The following CHL1 variants were observed in gnomAD, a reference collection of about 807,000 sequenced individuals.
CHL1 encodes neural cell adhesion molecule L1-like protein.
CHL1 carries 96 observed loss-of-function variants against 141.9 expected under a neutral mutation model. That is an observed-to-expected ratio of 0.68 (90% CI 0.57 to 0.80). CHL1 has a LOEUF of 0.80. CHL1 is among the 30% of genes least tolerant of loss of function. The pLI, the probability that CHL1 is intolerant of heterozygous loss-of-function variation, is 0.00. For synonymous variants in CHL1, 613 were observed against 502.2 expected (o/e 1.22, Z -2.95); for missense variants, 1,820 against 1,457.2 (o/e 1.25, Z -4.05).
Position 221,459 on chromosome 3 carries a change from T to A in CHL1, c.-174-23154T>A, listed in dbSNP as rs147781822. Among the ~76,000 whole-genome samples the A allele has an allele frequency of 2.6e-3, 401 of 152,346 alleles. 3 individuals are homozygous for A. The highest frequency in any genetic ancestry group is 9.3e-3 in the African/African-American group (388 of 41,584). ...AAAGGTGAGCCTATTAGAGTGTTTA[T>A]GTGTAGCAGACCCTACACTTATTCA... On this transcript the variant is annotated intron_variant, in intron 1 of 27. Coordinates refer to ENST00000256509, the MANE Select transcript of CHL1 (RefSeq NM_006614.4).
rs562495417 is a variant in CHL1, at chr3:312,876, G to A, written c.-94-6807G>A. 7.5e-4 allele frequency among the ~76,000 whole-genome samples: 114 copies of A among 152,232 alleles called. 1 individual carries two copies. The highest frequency in any genetic ancestry group is 1.4e-3 in the Non-Finnish European group (97 of 68,008). On this transcript the variant is annotated intron_variant, in intron 2 of 27. Transcript: ENST00000256509. ...GAGTTATTTTTAAAACTATAATTTGGATGCCAGTGTCATAAAATATCTCTT... is the reference window on the plus strand; with the variant it reads ...GAGTTATTTTTAAAACTATAATTTGAATGCCAGTGTCATAAAATATCTCTT...
At chr3:390,189 G>A (rs1708106537) in intron 20 of CHL1, among the ~76,000 whole-genome samples, 1 of 152,196 alleles carries the variant, frequency 6.6e-6, no homozygotes, top group South Asian at 2.1e-4. Context: ...AGTGAATTAA[G>A]ATAGTATTAG....
chr3:258,121 G>A (rs1574881729), intron 2 of CHL1, among the ~76,000 whole-genome samples: 1 of 152,162 alleles, frequency 6.6e-6, no homozygotes. Context: ...CCCTTTTAAT[G>A]GCCAACTGCA....
At chr3:204,028 TC>T (rs1205706489) in intron 1 of CHL1, among the ~76,000 whole-genome samples, 2 of 152,274 alleles carry the variant, frequency 1.3e-5, no homozygotes, top group Non-Finnish European at 2.9e-5. Flanking sequence ...CACCACTTTT[TC>T]TTTGTCATTC....
chr3:315,414 G>C (rs1054218441), intron 2 of CHL1, among the ~76,000 whole-genome samples: 1 of 152,126 alleles, frequency 6.6e-6, no homozygotes. Flanking sequence ...AGGCCAAGTA[G>C]AATGGACAAA....
intron 2 of CHL1, among the ~76,000 whole-genome samples, chr3:277,933 C>A (rs1469731182): frequency 6.6e-6 from 1 of 152,184 alleles, no homozygotes; most frequent in African/African-American, 2.4e-5. Flanking sequence ...TACATCTCTG[C>A]ATCTAACAGA....
intron 2 of CHL1, among the ~76,000 whole-genome samples, chr3:254,434 G>T (rs94030): frequency 0.17 from 25,263 of 152,130 alleles, 2,359 homozygotes; most frequent in East Asian, 0.39. Flanking sequence ...GAGAAGTATA[G>T]TTCCAAGGTA....
At chr3:220,275 G>T (rs1002584406) in intron 1 of CHL1, among the ~76,000 whole-genome samples, 1 of 152,134 alleles carries the variant, frequency 6.6e-6, no homozygotes, top group Non-Finnish European at 1.5e-5. Context: ...TTATTGTGAT[G>T]TATGTAAATT....
chr3:369,780 CTAGT>C (rs1396705570), intron 15 of CHL1, among the ~76,000 whole-genome samples: 1 of 152,178 alleles, frequency 6.6e-6, no homozygotes, highest in Non-Finnish European at 1.5e-5. Context: ...CCATCAATAA[CTAGT>C]TAATTGACAG....
intron 5 of CHL1, among the ~76,000 whole-genome samples, chr3:330,420 CAT>C (rs1275670756): frequency 6.6e-6 from 1 of 151,800 alleles, no homozygotes; most frequent in Admixed American, 6.6e-5. Flanking sequence ...TATTAGGTAA[CAT>C]AATTTTAGGA....
chr3:291,762 T>G (rs1697715220), intron 2 of CHL1, among the ~76,000 whole-genome samples: 1 of 152,196 alleles, frequency 6.6e-6, no homozygotes, highest in South Asian at 2.1e-4. Flanking sequence ...TGGTTTATAC[T>G]TGTTCAAAAT....
chr3:209,249 A>G (rs566932392), intron 1 of CHL1, among the ~76,000 whole-genome samples: 22 of 152,224 alleles, frequency 1.4e-4, no homozygotes, highest in Non-Finnish European at 2.5e-4. Context: ...ATATTATTTC[A>G]GCAGATGACA....
chr3:318,746 GC>G (rs1183881666), intron 2 of CHL1, among the ~76,000 whole-genome samples: 2 of 150,778 alleles, frequency 1.3e-5, no homozygotes, highest in African/African-American at 4.9e-5. Context: ...CCTCTATCTT[GC>G]TGGAACTATC....
At chr3:257,650 C>A (rs1384101678) in intron 2 of CHL1, among the ~76,000 whole-genome samples, 2 of 152,112 alleles carry the variant, frequency 1.3e-5, no homozygotes, top group Non-Finnish European at 2.9e-5. Flanking sequence ...CTGTGCCTGG[C>A]TCTCTTTTTC....
chr3:254,223 C>T (rs1361130827), intron 2 of CHL1, among the ~76,000 whole-genome samples: 2 of 152,156 alleles, frequency 1.3e-5, no homozygotes, highest in East Asian at 1.9e-4. Context: ...TATAAAGGCC[C>T]AACACCATCA....
At chr3:267,182 A>G (rs1386256034) in intron 2 of CHL1, among the ~76,000 whole-genome samples, 1 of 152,168 alleles carries the variant, frequency 6.6e-6, no homozygotes, top group African/African-American at 2.4e-5. Context: ...CCTATTGAAA[A>G]ATTCAACAAA....
intron 19 of CHL1, chr3:384,501 TCGG>T (rs1192734228): frequency 1.2e-4 from 18 of 152,194 alleles, no homozygotes; most frequent in African/African-American, 4.1e-4. Flanking sequence ...TTTACATATC[TCGG>T]TTAAATGTTA....
intron 2 of CHL1, among the ~76,000 whole-genome samples, chr3:296,774 T>C (rs545182723): frequency 1.3e-5 from 2 of 152,280 alleles, no homozygotes; most frequent in African/African-American, 4.8e-5. Context: ...AACAAAACAC[T>C]GTAAGGGGGA....
intron 2 of CHL1, among the ~76,000 whole-genome samples, chr3:311,964 T>G (rs1464608769): frequency 1.3e-5 from 2 of 152,184 alleles, no homozygotes; most frequent in Admixed American, 1.3e-4. Flanking sequence ...TAGTCTCCAC[T>G]GTGAAACAAT....
Sources: gnomAD v4.1 joint callset for allele counts (sites outside exome capture counted in the v4.1 genomes callset) on GRCh38, gnomAD v4.1.1 for gene constraint, MANE v1.5 for transcripts, NCBI Gene and HGNC (gene_info 2026-07-23, HGNC 2026-07-21) for gene names.